Variants in TMEM50B observed in about 807,000 individuals in gnomAD.
TMEM50B encodes the protein HCV p7-trans-regulated protein 3.
In TMEM50B, 14 loss-of-function variants were observed where a neutral mutation model predicts 23.4. The ratio of observed to expected loss-of-function variants is 0.60; its 90% CI spans 0.39 to 0.93. The LOEUF is 0.93. TMEM50B is among the 40% of genes least tolerant of loss of function. The pLI, the probability that TMEM50B is intolerant of heterozygous loss-of-function variation, is 0.00. For missense variants in TMEM50B, 159 were observed against 193.0 expected, an observed-to-expected ratio of 0.82 and a Z score of 1.04; for synonymous variants, 64 against 62.3, an observed-to-expected ratio of 1.03 and a Z score of -0.13.
At chr21:33,435,221 G>C (rs2079999494) in intron 8 of TMEM50B, among the ~76,000 whole-genome samples, 1 of 152,170 alleles carries the variant, frequency 6.6e-6, no homozygotes, top group South Asian at 2.1e-4. Context: ...ATATGTTAAG[G>C]CCTAAGGCCC....
chr21:33,472,166 G>A (rs1049778583), intron 1 of TMEM50B, among the ~76,000 whole-genome samples: 4 of 150,278 alleles, frequency 2.7e-5, no homozygotes, highest in African/African-American at 7.3e-5. Context: ...GGGGGATCAC[G>A]AGGTCAAGAG....
chr21:33,450,701 TAAAG>T lies in TMEM50B; in HGVS notation c.*113_*116del, dbSNP rs1481964438. 2.6e-6 allele frequency: 2 copies of T among 757,548 alleles called. No homozygotes were observed. Among genetic ancestry groups the T allele is most frequent in the East Asian group, 5.2e-5 (2 of 38,820 alleles). 46.9% of individuals were successfully genotyped at this position (757,548 alleles called of 1,614,324 possible). The stretch of plus-strand genomic sequence containing the variant: ...TTTCAAAACTCAGAACATAAAAATG[TAAAG>T]AAACAAAACATTTAATGTACAATCT... On this transcript the variant is annotated 3_prime_UTR_variant, in exon 7 of 7. Coordinates refer to ENST00000542230, the MANE Select transcript of TMEM50B (RefSeq NM_006134.7).
chr21:33,438,218 G>T (rs1014382405), intron 8 of TMEM50B, among the ~76,000 whole-genome samples: 1 of 152,150 alleles, frequency 6.6e-6, no homozygotes. Context: ...TAGGAGTTAG[G>T]AGTTCAAGGC....
At chr21:33,434,139 C>T (rs148419000) in intron 8 of TMEM50B, among the ~76,000 whole-genome samples, 18 of 152,272 alleles carry the variant, frequency 1.2e-4, no homozygotes, top group East Asian at 7.7e-4. Context: ...TAACCCCAGC[C>T]CCCTGAGGCT....
intron 1 of TMEM50B, among the ~76,000 whole-genome samples, chr21:33,476,760 C>CAAAA (rs10645412): frequency 1.8e-4 from 12 of 68,326 alleles, no homozygotes; most frequent in East Asian, 4.0e-4. Context: ...GACTCCATCT[C>CAAAA]AAAAAAAAAA....
chr21:33,477,679 G>A (rs954798543), intron 1 of TMEM50B, among the ~76,000 whole-genome samples: 1 of 151,560 alleles, frequency 6.6e-6, no homozygotes, highest in Non-Finnish European at 1.5e-5. Flanking sequence ...GCGTGGCGGC[G>A]GGCGCCTGTA....
At chr21:33,439,997 C>T (rs1460234480) in intron 7 of TMEM50B, among the ~76,000 whole-genome samples, 1 of 151,796 alleles carries the variant, frequency 6.6e-6, no homozygotes, top group Non-Finnish European at 1.5e-5. Flanking sequence ...AGTGAGCTGA[C>T]ATGGCACCTC....
chr21:33,473,468 A>C (rs1267611207), intron 1 of TMEM50B, among the ~76,000 whole-genome samples: 3 of 151,666 alleles, frequency 2.0e-5, no homozygotes, highest in South Asian at 2.1e-4. Flanking sequence ...AAAAAAAAAA[A>C]AAAAAAAAAA....
At chr21:33,442,631 T>C (rs2084017665) in intron 7 of TMEM50B, among the ~76,000 whole-genome samples, 1 of 151,932 alleles carries the variant, frequency 6.6e-6, no homozygotes, top group Admixed American at 6.6e-5. Flanking sequence ...AAACATCAAA[T>C]GATATGTGGC....
At chr21:33,436,747 T>TA in intron 8 of TMEM50B, 9 of 1,136,700 alleles carry the variant, frequency 7.9e-6, no homozygotes, top group Non-Finnish European at 1.0e-5. Flanking sequence ...AAAAATAAAA[T>TA]AAAAACAAAA....
chr21:33,464,397 T>G (rs1407896379), intron 4 of TMEM50B, among the ~76,000 whole-genome samples: 1 of 151,028 alleles, frequency 6.6e-6, no homozygotes, highest in Non-Finnish European at 1.5e-5. Context: ...ACGGGGTTTC[T>G]CCATGTTGGC....
rs975280344 is a variant in TMEM50B, at chr21:33,449,741, A to T, written c.*1077T>A. 3.9e-5 allele frequency: 6 copies of T among 152,562 alleles called. No homozygotes were observed. The highest frequency in any genetic ancestry group is 1.4e-4 in the African/African-American group (6 of 41,440). The allele number at this position is 152,562 out of a possible 1,614,324, so 9.5% of individuals were successfully genotyped here. ...TCTTTAATTATTCCACTTTTTGTTA[A>T]ATGGTTCATGCTTTTAAACTGCGAT... On this transcript the variant is annotated 3_prime_UTR_variant, in exon 7 of 7. Coordinates refer to ENST00000542230, the MANE Select transcript of TMEM50B (RefSeq NM_006134.7).
At chr21:33,479,576 C>T (rs1260603771) in intron 1 of TMEM50B, among the ~76,000 whole-genome samples, 4 of 152,192 alleles carry the variant, frequency 2.6e-5, no homozygotes, top group Admixed American at 2.0e-4. Context: ...GCAGCCTCCC[C>T]GGGCTGCTTG....
intron 1 of TMEM50B, among the ~76,000 whole-genome samples, chr21:33,475,865 A>G (rs1804787692): frequency 6.6e-6 from 1 of 152,004 alleles, no homozygotes; most frequent in South Asian, 2.1e-4. Flanking sequence ...GAGGCAGGAG[A>G]ATCACTTAAA....
intron 7 of TMEM50B, among the ~76,000 whole-genome samples, chr21:33,442,804 C>T (rs1972256): frequency 0.58 from 88,473 of 151,766 alleles, 27,782 homozygotes; most frequent in East Asian, 0.83. Flanking sequence ...GCCTGTAGTT[C>T]CAGCTACTCA....
chr21:33,464,096 G>C (rs1486652553), intron 4 of TMEM50B, among the ~76,000 whole-genome samples: 1 of 152,132 alleles, frequency 6.6e-6, no homozygotes, highest in Admixed American at 6.5e-5. Context: ...TCTGGAGCCA[G>C]ACTGTCCATG....
In TMEM50B at chr21:33,436,686, T is replaced by TACTCCAGCCTAGGCAAGAGTAAG. The variant is rs121913218; in HGVS notation, c.*2120+2505_*2120+2527dup. 145 of 634,492 alleles carry TACTCCAGCCTAGGCAAGAGTAAG rather than the reference T, an allele frequency of 2.3e-4. No homozygotes were observed. In the African/African-American group the frequency reaches 2.4e-3, roughly 11 times the overall value. The allele number at this position is 634,492 out of a possible 1,614,324, so 39.3% of individuals were successfully genotyped here. On this transcript the variant is annotated intron_variant and NMD_transcript_variant, in intron 8 of 8. Transcript: ENST00000420455. The stretch of plus-strand genomic sequence containing the variant: ...GCAGTGAGCTGAGATCACACCACTA[T>TACTCCAGCCTAGGCAAGAGTAAG]ACTCCAGCCTAGGCAAGAGTAAGAC...
chr21:33,465,801 C>G (rs1472074758), intron 3 of TMEM50B, among the ~76,000 whole-genome samples: 1 of 152,144 alleles, frequency 6.6e-6, no homozygotes, highest in Non-Finnish European at 1.5e-5. Flanking sequence ...TTTCTATGAT[C>G]CATTTCTTAA....
intron 2 of TMEM50B, 27 bp downstream of exon 2, chr21:33,468,760 T>C (rs1464320351): frequency 6.3e-7 from 1 of 1,581,382 alleles, no homozygotes; most frequent in Non-Finnish European, 8.7e-7. Flanking sequence ...AAGGGATACA[T>C]GTCACCAACC....
Sources: gnomAD v4.1 joint callset for allele counts (sites outside exome capture counted in the v4.1 genomes callset) on GRCh38, gnomAD v4.1.1 for gene constraint, MANE v1.5 for transcripts, NCBI Gene and HGNC (gene_info 2026-07-23, HGNC 2026-07-21) for gene names.